LTN1: variants seen among roughly 807,000 people sequenced by gnomAD.
LTN1 encodes the protein E3 ubiquitin-protein ligase listerin.
In LTN1, 88 loss-of-function variants were observed where a neutral mutation model predicts 201.2. That is an observed-to-expected ratio of 0.44 (90% confidence interval 0.37 to 0.52). The LOEUF is 0.52. Ranked by LOEUF, LTN1 falls within the 20% of genes least tolerant of loss-of-function variation. The pLI is 0.00. For synonymous variants in LTN1, 645 were observed against 713.5 expected (o/e 0.90, Z 1.53); for missense variants, 1,752 against 2,038.7 (o/e 0.86, Z 2.71).
At chr21:28,983,167 T>C (rs1354985905) in intron 4 of LTN1, among the ~76,000 whole-genome samples, 2 of 152,208 alleles carry the variant, frequency 1.3e-5, no homozygotes, top group African/African-American at 4.8e-5. Context: ...CTGGAGACAG[T>C]TCAATGCCAA....
chr21:28,951,474 A>G (rs1184023964), intron 18 of LTN1, among the ~76,000 whole-genome samples: 1 of 152,186 alleles, frequency 6.6e-6, no homozygotes, highest in East Asian at 1.9e-4. Context: ...GTTATTTAAG[A>G]GAAGAGTAAC....
In LTN1 at chr21:28,982,254, T is replaced by C. The variant is rs994195196; in HGVS notation, c.629+62A>G. On this transcript the variant is annotated intron_variant, in intron 5 of 29. Coordinates refer to ENST00000361371, the MANE Select transcript of LTN1 (RefSeq NM_015565.3). Reference sequence around the variant, plus strand: ...AAAACAAAAAGTCACATTGAAATCATCTGATTACTTATGAGTGAAACAAAT... The same window carrying C: ...AAAACAAAAAGTCACATTGAAATCACCTGATTACTTATGAGTGAAACAAAT... 5 of 1,346,566 alleles carry C rather than the reference T, an allele frequency of 3.7e-6. No individual in the cohort carries two copies. The African/African-American group carries it at 5.8e-5, about 16-fold the overall frequency. 83.4% of individuals were successfully genotyped at this position (1,346,566 alleles called of 1,614,324 possible).
chr21:28,956,690 T>C (rs2084427896), intron 16 of LTN1, 72 bp downstream of exon 16: 1 of 764,328 alleles, frequency 1.3e-6, no homozygotes, highest in South Asian at 3.6e-5. Context: ...TAAACTGCAG[T>C]ATAATCAAGA....
chr21:28,982,684 C>T (rs1163829376), intron 4 of LTN1, among the ~76,000 whole-genome samples: 1 of 152,162 alleles, frequency 6.6e-6, no homozygotes, highest in Non-Finnish European at 1.5e-5. Flanking sequence ...CTCTGCTTTC[C>T]TCTCCCCTCT....
chr21:28,943,354 AT>A lies in LTN1; in HGVS notation c.4221-19del. ...GCATCAATCTAGAAATTAGAACATT[AT>A]TTTTAAATATGTGATATTAAACTGT... is the stretch of plus-strand genomic sequence containing the variant. On this transcript the variant is annotated intron_variant, in intron 23 of 29. Transcript: ENST00000361371. 7.0e-7 allele frequency: 1 copy of A among 1,427,694 alleles called. No individual in the cohort carries two copies. The highest frequency in any genetic ancestry group is 9.8e-7 in the Non-Finnish European group (1 of 1,018,802). The allele number at this position is 1,427,694 out of a possible 1,614,324, so 88.4% of individuals were successfully genotyped here.
chr21:28,936,515 A>G lies in LTN1; in HGVS notation c.4654+11T>C. 1 of 1,598,732 alleles carries G rather than the reference A, an allele frequency of 6.3e-7. No individual in the cohort carries two copies. Among genetic ancestry groups the G allele is most frequent in the Non-Finnish European group, 8.5e-7 (1 of 1,171,060 alleles). ...TGTCCAAGAAAGAACATAAACACAT[A>G]TCTTACTGACCTCTAATACTCAGCT... is the stretch of plus-strand genomic sequence containing the variant. On this transcript the variant is annotated intron_variant, in intron 26 of 29. Coordinates refer to ENST00000361371, the MANE Select transcript of LTN1 (RefSeq NM_015565.3).
intron 8 of LTN1, 152 bp from the exon 9 acceptor site, chr21:28,969,753 A>C: frequency 2.0e-6 from 1 of 497,444 alleles, no homozygotes; most frequent in East Asian, 3.3e-5. Context: ...ATGAAAATAC[A>C]TATAGCCCAA....
intron 25 of LTN1, among the ~76,000 whole-genome samples, chr21:28,940,657 G>A (rs1372963290): frequency 6.6e-6 from 1 of 152,028 alleles, no homozygotes; most frequent in Non-Finnish European, 1.5e-5. Flanking sequence ...ATTATTTCCT[G>A]AAATAAAAGA....
rs1041902824 is a variant in LTN1 at position 28,986,626 on chromosome 21, C to T, written c.246+105G>A. ...AGAAAAAAGTACAATTATAAAAGAACTTAGCAATAAATTGTTCATTTTTCT... is the reference window on the plus strand; with the variant it reads ...AGAAAAAAGTACAATTATAAAAGAATTTAGCAATAAATTGTTCATTTTTCT... On this transcript the variant is annotated intron_variant, in intron 2 of 29. Transcript: ENST00000361371. This position sits in a 1 kb window ranked among gnomAD's most constrained non-coding sequence, Gnocchi z 4.1. 2 of 824,772 alleles carry T rather than the reference C, an allele frequency of 2.4e-6. No homozygotes were observed. Among genetic ancestry groups the T allele is most frequent in the Admixed American group, 2.6e-5 (1 of 38,850 alleles). The allele number at this position is 824,772 out of a possible 1,614,324, so 51.1% of individuals were successfully genotyped here. A position where few individuals can be genotyped will look rare whatever the true frequency, so the allele number is the denominator to read the frequency against.
chr21:28,990,463 T>C (rs1363647627), intron 1 of LTN1, among the ~76,000 whole-genome samples: 1 of 152,216 alleles, frequency 6.6e-6, no homozygotes, highest in African/African-American at 2.4e-5. Context: ...TAAATCACCA[T>C]AGTAATAACT....
intron 19 of LTN1, among the ~76,000 whole-genome samples, chr21:28,946,508 G>A (rs1337181323): frequency 6.6e-6 from 1 of 152,110 alleles, no homozygotes; most frequent in Non-Finnish European, 1.5e-5. Context: ...AGAGAATTTG[G>A]GGGAGGAGAA....
chr21:28,992,218 T>G (rs1273966086), intron 1 of LTN1, among the ~76,000 whole-genome samples: 1 of 151,940 alleles, frequency 6.6e-6, no homozygotes, highest in Non-Finnish European at 1.5e-5. Context: ...CAAGGCACAG[T>G]GAAGAGATCA....
intron 27 of LTN1, among the ~76,000 whole-genome samples, chr21:28,933,572 T>C (rs1412337828): frequency 2.0e-5 from 3 of 152,136 alleles, no homozygotes; most frequent in Non-Finnish European, 4.4e-5. Flanking sequence ...TACGCATTAT[T>C]TGGGTTGGAG....
intron 4 of LTN1, among the ~76,000 whole-genome samples, chr21:28,983,531 A>C (rs2146316049): frequency 6.6e-6 from 1 of 152,310 alleles, no homozygotes; most frequent in East Asian, 1.9e-4. Flanking sequence ...GAAGAACCTA[A>C]ATGAGGTACT....
chr21:28,958,614 C>T (rs2084447091), intron 13 of LTN1, 75 bp from the exon 14 acceptor site: 1 of 1,064,708 alleles, frequency 9.4e-7, no homozygotes, highest in Admixed American at 2.8e-5. Flanking sequence ...TTTGAAACAA[C>T]TCTACAGATC....
rs776609769 is a variant in LTN1 at position 28,931,065 on chromosome 21, A to AGG, written c.5238+88_5238+89dup. 2.6e-4 allele frequency: 169 copies of AGG among 647,824 alleles called. 1 individual carries two copies. The highest frequency in any genetic ancestry group is 1.5e-3 in the Admixed American group (46 of 30,548). 40.1% of individuals were successfully genotyped at this position (647,824 alleles called of 1,614,324 possible). A position where few individuals can be genotyped will look rare whatever the true frequency, so the allele number is the denominator to read the frequency against. On this transcript the variant is annotated intron_variant, in intron 29 of 29. Transcript: ENST00000361371. ...TCTCTTCCGAAGTTAGACATTGTGT[A>AGG]GGTGTGTGTGTGTGTGTGTGTGTGT...
chr21:28,981,337 G>C (rs1169548760), intron 5 of LTN1, 38 bp from the exon 6 acceptor site: 1 of 1,164,128 alleles, frequency 8.6e-7, no homozygotes, highest in Non-Finnish European at 1.1e-6. Context: ...TAAAAATTTA[G>C]AATTAGCCAA....
chr21:28,989,735 T>C (rs1477855047), intron 1 of LTN1, among the ~76,000 whole-genome samples: 1 of 152,158 alleles, frequency 6.6e-6, no homozygotes, highest in Non-Finnish European at 1.5e-5. Flanking sequence ...AGGCAGGGCA[T>C]GGTGGCTCAC....
intron 4 of LTN1, among the ~76,000 whole-genome samples, chr21:28,982,840 A>G (rs776512864): frequency 1.3e-5 from 2 of 152,254 alleles, no homozygotes; most frequent in Non-Finnish European, 2.9e-5. Context: ...TAACTGCTTT[A>G]TCAGCAATAA....
Sources: allele counts gnomAD v4.1 joint callset (sites outside exome capture counted in the v4.1 genomes callset), GRCh38; gene constraint gnomAD v4.1.1; non-coding constraint Gnocchi (gnomAD v3.1); transcripts MANE v1.5; gene names NCBI Gene and HGNC (gene_info 2026-07-23, HGNC 2026-07-21).